Variants in GRM3 observed in about 807,000 individuals in gnomAD.
GRM3 encodes metabotropic glutamate receptor 3.
Under a neutral mutation model 70.5 loss-of-function variants are expected in GRM3, and 26 were observed. The ratio of observed to expected loss-of-function variants is 0.37; its 90% confidence interval spans 0.27 to 0.51. The LOEUF (loss-of-function observed/expected upper bound fraction) is 0.51, where lower values mean the gene tolerates loss of function less well. GRM3 is among the 20% of genes least tolerant of loss of function. GRM3 has a pLI of 0.93. For synonymous variants in GRM3, 443 were observed against 434.9 expected, an observed-to-expected ratio of 1.02 and a Z score of -0.23; for missense variants, 859 against 1,123.8, an observed-to-expected ratio of 0.76 and a Z score of 3.37.
chr7:86,783,915 A>G (rs981793607), intron 2 of GRM3, among the ~76,000 whole-genome samples: 4 of 152,170 alleles, frequency 2.6e-5, no homozygotes, highest in African/African-American at 9.7e-5. Flanking sequence ...TCACGTTTCA[A>G]CTCACCAAAT....
rs566289360 is a variant in GRM3, at chr7:86,835,164, GA to G, written c.1325-3674del. ...TTGGGTATCAGGGGATTTAATATAT[GA>G]CAAGTATTATAAATCAGTGGAAAAT... On this transcript the variant is annotated intron_variant, in intron 3 of 5. Transcript: ENST00000361669. Among the ~76,000 whole-genome samples, 78 of 152,014 alleles carry G rather than the reference GA, an allele frequency of 5.1e-4. No homozygotes were observed. The East Asian group carries it at 0.015, about 29-fold the overall frequency.
At chr7:86,820,367 G>A (rs1246354402) in intron 3 of GRM3, among the ~76,000 whole-genome samples, 1 of 152,058 alleles carries the variant, frequency 6.6e-6, no homozygotes, top group Non-Finnish European at 1.5e-5. Context: ...TGGGTAGAGA[G>A]GTGAGAGGAC....
intron 3 of GRM3, among the ~76,000 whole-genome samples, chr7:86,808,561 C>A (rs143042592): frequency 9.2e-4 from 139 of 151,738 alleles, no homozygotes; most frequent in African/African-American, 3.2e-3. Flanking sequence ...AAAAATATAG[C>A]ACGCCAAGTG....
At chr7:86,714,233 C>T (rs1795262873) in intron 1 of GRM3, among the ~76,000 whole-genome samples, 1 of 152,014 alleles carries the variant, frequency 6.6e-6, no homozygotes, top group African/African-American at 2.4e-5. Flanking sequence ...CCCATTTTGG[C>T]TCTGCCTCTA....
chr7:86,686,191 A>G (rs917361122), intron 1 of GRM3, among the ~76,000 whole-genome samples: 6 of 152,302 alleles, frequency 3.9e-5, no homozygotes, highest in African/African-American at 1.4e-4. Flanking sequence ...CTATGATCCT[A>G]AAGGAAGACA....
rs150150295 is a variant in GRM3 at position 86,839,515 on chromosome 7, C to T, written c.2001C>T (p.Ala667=). ...TGCTGACCAAGACAAACTGCATTGC[C>T]CGCATCTTCGATGGGGTCAAGAATG... ...SALLTKTNCI[A]RIFDGVKNGA... Residue 667 remains alanine (A), a synonymous_variant, in exon 4 of 6, where the codon GCC becomes GCT. Coordinates refer to ENST00000361669, the MANE Select transcript of GRM3 (RefSeq NM_000840.3). The surrounding 1 kb of genome is among the most constrained non-coding windows in gnomAD (Gnocchi z 4.5). 4 of 1,607,658 alleles carry T rather than the reference C, an allele frequency of 2.5e-6. No homozygotes were observed. The African/African-American group carries it at 5.3e-5, about 21-fold the overall frequency.
chr7:86,836,585 G>C (rs1264942377), intron 3 of GRM3, among the ~76,000 whole-genome samples: 1 of 152,082 alleles, frequency 6.6e-6, no homozygotes, highest in Non-Finnish European at 1.5e-5. Flanking sequence ...TCAGAAGTGA[G>C]GTTTGGATAA....
At chr7:86,666,787 C>A (rs1384163623) in intron 1 of GRM3, among the ~76,000 whole-genome samples, 1 of 151,966 alleles carries the variant, frequency 6.6e-6, no homozygotes, top group South Asian at 2.1e-4. Context: ...GAAACTAATT[C>A]GAGATGCAAC....
At chr7:86,799,338 A>T (rs1259964257) in intron 3 of GRM3, among the ~76,000 whole-genome samples, 1 of 152,098 alleles carries the variant, frequency 6.6e-6, no homozygotes, top group Admixed American at 6.6e-5. Flanking sequence ...AATACTCTTT[A>T]TTCCTTTCTC....
intron 3 of GRM3, among the ~76,000 whole-genome samples, chr7:86,819,598 G>C (rs896356186): frequency 6.6e-6 from 1 of 152,128 alleles, no homozygotes; most frequent in East Asian, 1.9e-4. Flanking sequence ...GGCCTAGGGG[G>C]ACAAGCACAT....
chr7:86,696,504 C>A (rs1794820513), intron 1 of GRM3, among the ~76,000 whole-genome samples: 1 of 152,208 alleles, frequency 6.6e-6, no homozygotes. Context: ...GGACTTATTT[C>A]AGACTTATGA....
In GRM3 at chr7:86,839,957, C is replaced by A. The variant is rs1408446525; in HGVS notation, c.2391+52C>A. On this transcript the variant is annotated intron_variant, in intron 4 of 5. Transcript: ENST00000361669. The surrounding 1 kb of genome is among the most constrained non-coding windows in gnomAD (Gnocchi z 4.5). ...TCTTGTTCTTTCTCCTCCAGTGTTT[C>A]TTGTGTAGTATTTAAAATAGACTCC... The A allele has an allele frequency of 5.8e-6, 6 of 1,042,736 alleles. No individual in the cohort carries two copies. The highest frequency in any genetic ancestry group is 8.8e-6 in the Non-Finnish European group (6 of 678,688). 64.6% of individuals were successfully genotyped at this position (1,042,736 alleles called of 1,614,324 possible).
At chr7:86,826,380 G>T (rs1316382832) in intron 3 of GRM3, among the ~76,000 whole-genome samples, 2 of 152,202 alleles carry the variant, frequency 1.3e-5, no homozygotes, top group Non-Finnish European at 2.9e-5. Context: ...TCTTTCCTAA[G>T]AGCTGATTGA....
At chr7:86,711,439 C>T (rs1795197870) in intron 1 of GRM3, among the ~76,000 whole-genome samples, 1 of 152,026 alleles carries the variant, frequency 6.6e-6, no homozygotes, top group Admixed American at 6.6e-5. Flanking sequence ...ATATACTAAG[C>T]ACTTTTCTAC....
intron 2 of GRM3, among the ~76,000 whole-genome samples, chr7:86,777,043 G>GA (rs1402038893): frequency 6.6e-6 from 1 of 152,172 alleles, no homozygotes; most frequent in African/African-American, 2.4e-5. Flanking sequence ...TGGATGGAAA[G>GA]AAAGTTATTC....
At chr7:86,739,306 T>C (rs1795932582) in intron 1 of GRM3, among the ~76,000 whole-genome samples, 6 of 152,194 alleles carry the variant, frequency 3.9e-5, no homozygotes, top group Admixed American at 3.9e-4. Flanking sequence ...TTATTCCTTC[T>C]ACCTAACTGA....
At chr7:86,734,100 G>C (rs1013191480) in intron 1 of GRM3, among the ~76,000 whole-genome samples, 1 of 152,136 alleles carries the variant, frequency 6.6e-6, no homozygotes, top group Non-Finnish European at 1.5e-5. Flanking sequence ...AAGTAGGGGG[G>C]AGAAAAGACA....
chr7:86,790,416 C>G (rs1274345347), intron 3 of GRM3, among the ~76,000 whole-genome samples: 1 of 152,190 alleles, frequency 6.6e-6, no homozygotes, highest in Non-Finnish European at 1.5e-5. Flanking sequence ...CTCTAGCCTA[C>G]ATTTCTGTGA....
At chr7:86,747,017 A>G (rs1467872396) in intron 1 of GRM3, among the ~76,000 whole-genome samples, 2 of 152,110 alleles carry the variant, frequency 1.3e-5, no homozygotes, top group Non-Finnish European at 2.9e-5. Context: ...CCTGGTAATC[A>G]AGTCACTTAA....
Sources: allele counts gnomAD v4.1 joint callset (sites outside exome capture counted in the v4.1 genomes callset), GRCh38; gene constraint gnomAD v4.1.1; non-coding constraint Gnocchi (gnomAD v3.1); transcripts MANE v1.5; gene names NCBI Gene and HGNC (gene_info 2026-07-23, HGNC 2026-07-21).